The following ATP2B1 variants were observed in gnomAD, a reference collection of about 807,000 sequenced individuals.
The protein encoded by ATP2B1 is plasma membrane calcium-transporting ATPase 1.
ATP2B1 carries 14 observed loss-of-function variants against 124.2 expected under a neutral mutation model. The ratio of observed to expected loss-of-function variants is 0.11; its 90% CI spans 0.07 to 0.18. The LOEUF is 0.18. Among genes scored for constraint, ATP2B1 ranks in the 10% least tolerant of loss-of-function variants. ATP2B1 has a pLI of 1.00. For synonymous variants in ATP2B1, 449 were observed against 492.4 expected (o/e 0.91, Z 1.17); for missense variants, 763 against 1,466.1 (o/e 0.52, Z 7.83).
At chr12:89,638,130 C>T (rs935880382) in intron 3 of ATP2B1, among the ~76,000 whole-genome samples, 11 of 152,188 alleles carry the variant, frequency 7.2e-5, no homozygotes, top group Middle Eastern at 3.4e-3. Context: ...AAAATGACTA[C>T]AGCTTACAGT....
intron 1 of ATP2B1, among the ~76,000 whole-genome samples, chr12:89,706,932 T>C (rs1892523623): frequency 1.3e-5 from 2 of 152,100 alleles, no homozygotes; most frequent in Non-Finnish European, 1.5e-5. Context: ...AGCTGTCTTA[T>C]CTAAAGCAAG....
intron 1 of ATP2B1, among the ~76,000 whole-genome samples, chr12:89,668,591 T>A (rs183299440): frequency 2.1e-3 from 326 of 152,300 alleles, no homozygotes; most frequent in Non-Finnish European, 3.9e-3. Flanking sequence ...TCTTACCAAC[T>A]GCAAAAGGTA....
chr12:89,633,567 C>T (rs1882233417), intron 5 of ATP2B1, among the ~76,000 whole-genome samples: 1 of 150,702 alleles, frequency 6.6e-6, no homozygotes, highest in African/African-American at 2.4e-5. Context: ...AATGTAATTA[C>T]TCTGATTTTT....
intron 1 of ATP2B1, among the ~76,000 whole-genome samples, chr12:89,664,386 G>C (rs918461879): frequency 6.6e-6 from 1 of 152,130 alleles, no homozygotes; most frequent in Admixed American, 6.6e-5. Context: ...CTCAAACACA[G>C]GTATCTTGAA....
intron 9 of ATP2B1, among the ~76,000 whole-genome samples, 167 bp downstream of exon 9, chr12:89,624,016 C>T (rs961526470): frequency 6.6e-6 from 1 of 152,052 alleles, no homozygotes; most frequent in Non-Finnish European, 1.5e-5. Flanking sequence ...AGATATTCAA[C>T]TGGTGGGAGG....
rs749796242 is a variant in ATP2B1, at chr12:89,621,639, C to G, written c.1497G>C (p.Lys499Asn). The G allele has an allele frequency of 1.9e-6, 3 of 1,610,976 alleles. No individual in the cohort carries two copies. Among genetic ancestry groups the G allele is most frequent in the South Asian group, 1.1e-5 (1 of 90,688 alleles). ...QAYINEKHYK[K>N]VPEPEAIPPN... is the part of the protein sequence containing the mutation. Reference sequence around the variant, plus strand: ...GTGGAATAGCTTCTGGTTCAGGAACCTTTTTATAATGTTTTTCATTTATGT... The same window carrying G: ...GTGGAATAGCTTCTGGTTCAGGAACGTTTTTATAATGTTTTTCATTTATGT... Residue 499 changes from lysine to asparagine, a missense_variant, in exon 10 of 21, where the codon AAG (lysine) becomes AAC (asparagine). Physicochemically the swap from Lys to Asn is moderately conservative, Grantham distance 94. Coordinates refer to ENST00000428670, the MANE Select transcript of ATP2B1 (RefSeq NM_001366521.1).
At chr12:89,652,640 G>A (rs896328025) in intron 2 of ATP2B1, among the ~76,000 whole-genome samples, 2 of 152,198 alleles carry the variant, frequency 1.3e-5, no homozygotes, top group Admixed American at 1.3e-4. Flanking sequence ...TTGTATGCTT[G>A]ATCAGTGACA....
intron 1 of ATP2B1, among the ~76,000 whole-genome samples, chr12:89,697,822 C>T (rs1452207505): frequency 6.6e-6 from 1 of 151,714 alleles, no homozygotes; most frequent in African/African-American, 2.4e-5. Flanking sequence ...TTCATCTCCA[C>T]AAATAATGCT....
At chr12:89,622,323 T>TA (rs1378785795) in intron 9 of ATP2B1, among the ~76,000 whole-genome samples, 3 of 151,946 alleles carry the variant, frequency 2.0e-5, no homozygotes, top group Non-Finnish European at 4.4e-5. Flanking sequence ...TTAACTCTGA[T>TA]AGAGTTAACA....
chr12:89,607,659 A>G (rs1021351757), intron 15 of ATP2B1, among the ~76,000 whole-genome samples: 2 of 152,238 alleles, frequency 1.3e-5, no homozygotes, highest in Non-Finnish European at 2.9e-5. Context: ...TGATGACAGC[A>G]GTATCTCTAT....
At chr12:89,706,702 G>A (rs1302452008) in intron 1 of ATP2B1, among the ~76,000 whole-genome samples, 3 of 152,108 alleles carry the variant, frequency 2.0e-5, no homozygotes, top group East Asian at 1.9e-4. Context: ...AATGACAGCT[G>A]CGATAAAAAT....
intron 15 of ATP2B1, among the ~76,000 whole-genome samples, chr12:89,605,289 T>C (rs149227456): frequency 3.3e-5 from 5 of 152,292 alleles, no homozygotes; most frequent in African/African-American, 7.2e-5. Context: ...CCCAAATTCA[T>C]GTGTTGGAAA....
Position 89,658,596 on chromosome 12 carries a change from C to CCGG in ATP2B1, c.-221-2490_-221-2489insCCG, listed in dbSNP as rs1565882489. Among the ~76,000 whole-genome samples the CCGG allele has an allele frequency of 1.8e-3, 92 of 52,270 alleles. 1 individual carries two copies. Among genetic ancestry groups the CCGG allele is most frequent in the African/African-American group, 6.3e-3 (86 of 13,632 alleles). The allele number at this position is 52,270 out of a possible 152,430, so 34.3% of individuals were successfully genotyped here. A position where few individuals can be genotyped will look rare whatever the true frequency, so the allele number is the denominator to read the frequency against. ...ACAGAATTCAAACAGAGAATTCAAA[C>CCGG]AGGAGAGAGAGAGAGAGAGAGAGAG... is the stretch of plus-strand genomic sequence containing the variant. On this transcript the variant is annotated intron_variant, in intron 1 of 20. Coordinates refer to ENST00000428670, the MANE Select transcript of ATP2B1 (RefSeq NM_001366521.1).
chr12:89,648,060 G>GTC (rs1884741914), intron 2 of ATP2B1, among the ~76,000 whole-genome samples: 1 of 152,138 alleles, frequency 6.6e-6, no homozygotes, highest in South Asian at 2.1e-4. Context: ...AAATTACCCA[G>GTC]TCTCAAGTAT....
At chr12:89,649,166 C>T (rs1214600394) in intron 2 of ATP2B1, among the ~76,000 whole-genome samples, 1 of 152,222 alleles carries the variant, frequency 6.6e-6, no homozygotes, top group African/African-American at 2.4e-5. Flanking sequence ...TAGGGCACTG[C>T]TTAGTGGAGC....
Position 89,621,618 on chromosome 12 carries a change from A to T in ATP2B1, c.1518T>A (p.Ile506=). The T allele has an allele frequency of 6.2e-7, 1 of 1,611,212 alleles. No homozygotes were observed. The highest frequency in any genetic ancestry group is 8.5e-7 in the Non-Finnish European group (1 of 1,178,042). The stretch of plus-strand genomic sequence containing the variant: ...CAAGATAGGACAAAATATTTGGTGG[A>T]ATAGCTTCTGGTTCAGGAACCTTTT... ...HYKKVPEPEA[I]PPNILSYLVT... is the part of the protein sequence containing the mutation. Residue 506 remains isoleucine (I), a synonymous_variant, in exon 10 of 21, where the codon ATT becomes ATA. Coordinates refer to ENST00000428670, the MANE Select transcript of ATP2B1 (RefSeq NM_001366521.1).
At chr12:89,699,901 G>C (rs1891625548) in intron 1 of ATP2B1, among the ~76,000 whole-genome samples, 1 of 152,006 alleles carries the variant, frequency 6.6e-6, no homozygotes, top group South Asian at 2.1e-4. Context: ...CTGTAGTGCT[G>C]TGGCACAATC....
chr12:89,673,460 C>CA (rs1439321254), intron 1 of ATP2B1, among the ~76,000 whole-genome samples: 5 of 152,044 alleles, frequency 3.3e-5, no homozygotes, highest in Non-Finnish European at 7.4e-5. Context: ...CTTTTTCTTC[C>CA]CAACTTATCA....
intron 11 of ATP2B1, among the ~76,000 whole-genome samples, chr12:89,617,637 GT>G (rs35749725): frequency 6.6e-6 from 1 of 152,046 alleles, no homozygotes; most frequent in Non-Finnish European, 1.5e-5. Context: ...CCTATTTAAA[GT>G]TTGTTTTTCA....
Sources: gnomAD v4.1 joint callset for allele counts (sites outside exome capture counted in the v4.1 genomes callset) on GRCh38, gnomAD v4.1.1 for gene constraint, MANE v1.5 for transcripts, NCBI Gene and HGNC (gene_info 2026-07-23, HGNC 2026-07-21) for gene names.